The following NLGN1 variants were observed in gnomAD, a reference collection of about 807,000 sequenced individuals.
NLGN1 encodes neuroligin-1.
In NLGN1, 12 loss-of-function variants were observed where a neutral mutation model predicts 65.5. The ratio of observed to expected loss-of-function variants is 0.18; its 90% CI spans 0.12 to 0.30. The LOEUF (loss-of-function observed/expected upper bound fraction) is 0.30. Among genes scored for constraint, NLGN1 ranks in the 10% least tolerant of loss-of-function variants. NLGN1 has a pLI of 1.00. For missense variants in NLGN1, 750 were observed against 1,007.1 expected, an observed-to-expected ratio of 0.74 and a Z score of 3.46; for synonymous variants, 350 against 359.5, an observed-to-expected ratio of 0.97 and a Z score of 0.30.
intron 4 of NLGN1, chr3:173,920,455 G>A (rs965271410): frequency 1.3e-5 from 2 of 152,176 alleles, no homozygotes; most frequent in African/African-American, 4.8e-5. Context: ...CTGGCACAAA[G>A]TTTACTCAAA....
At chr3:174,027,254 T>G (rs1413186002) in intron 4 of NLGN1, among the ~76,000 whole-genome samples, 1 of 152,152 alleles carries the variant, frequency 6.6e-6, no homozygotes, top group African/African-American at 2.4e-5. Context: ...CAAACTGCTC[T>G]CTCCAAAATT....
intron 4 of NLGN1, among the ~76,000 whole-genome samples, chr3:173,829,024 T>A (rs1721936583): frequency 6.6e-6 from 1 of 152,044 alleles, no homozygotes; most frequent in Admixed American, 6.6e-5. Flanking sequence ...GCTTTCTGTA[T>A]TGAGAACAGT....
chr3:173,568,297 T>G (rs537866699), intron 2 of NLGN1, among the ~76,000 whole-genome samples: 3 of 150,172 alleles, frequency 2.0e-5, no homozygotes, highest in Admixed American at 1.3e-4. Context: ...AGGCTGGCAA[T>G]TTCTTGGCTT....
At chr3:173,835,799 A>G (rs1173794575) in intron 4 of NLGN1, among the ~76,000 whole-genome samples, 1 of 152,190 alleles carries the variant, frequency 6.6e-6, no homozygotes, top group African/African-American at 2.4e-5. Flanking sequence ...AGAGGCGAAC[A>G]TCAGTTGAAT....
chr3:174,043,158 T>G (rs887921854), intron 4 of NLGN1, among the ~76,000 whole-genome samples: 3 of 152,150 alleles, frequency 2.0e-5, no homozygotes, highest in Admixed American at 2.0e-4. Context: ...TTCAGTTACC[T>G]CCACCTGATC....
intron 4 of NLGN1, among the ~76,000 whole-genome samples, chr3:173,941,248 G>C (rs1284399275): frequency 1.3e-5 from 2 of 151,854 alleles, no homozygotes; most frequent in Non-Finnish European, 2.9e-5. Context: ...TAAATCTTCT[G>C]CTTGTGCATG....
chr3:173,730,069 A>G (rs1422808004), intron 3 of NLGN1, among the ~76,000 whole-genome samples: 1 of 151,846 alleles, frequency 6.6e-6, no homozygotes, highest in Non-Finnish European at 1.5e-5. Context: ...AGTGCCTACT[A>G]TTGACCAGGT....
At chr3:174,017,890 T>C (rs1002418036) in intron 4 of NLGN1, among the ~76,000 whole-genome samples, 5 of 152,142 alleles carry the variant, frequency 3.3e-5, no homozygotes, top group African/African-American at 1.2e-4. Flanking sequence ...TAACATCTTA[T>C]CAGGAGACAG....
intron 4 of NLGN1, among the ~76,000 whole-genome samples, chr3:173,872,797 G>A (rs1044110886): frequency 2.0e-4 from 31 of 152,110 alleles, no homozygotes; most frequent in African/African-American, 7.0e-4. Context: ...AATCTACTAA[G>A]TATCCATAGT....
At chr3:174,101,992 A>G (rs1224535906) in intron 4 of NLGN1, among the ~76,000 whole-genome samples, 1 of 152,196 alleles carries the variant, frequency 6.6e-6, no homozygotes, top group Non-Finnish European at 1.5e-5. Flanking sequence ...ATGGAGTAGT[A>G]CTTCAGACAG....
At chr3:173,592,642 G>C (rs537230948) in intron 2 of NLGN1, among the ~76,000 whole-genome samples, 7 of 152,052 alleles carry the variant, frequency 4.6e-5, no homozygotes, top group Non-Finnish European at 7.4e-5. Flanking sequence ...AAAATCTGAG[G>C]GTTGTGTTAA....
chr3:173,788,742 G>T (rs1711877943), intron 3 of NLGN1, among the ~76,000 whole-genome samples: 1 of 148,726 alleles, frequency 6.7e-6, no homozygotes, highest in African/African-American at 2.5e-5. Flanking sequence ...GATCACTTGA[G>T]CCCAGGAGTT....
chr3:173,419,756 G>A (rs1344632530), intron 1 of NLGN1, among the ~76,000 whole-genome samples: 1 of 151,964 alleles, frequency 6.6e-6, no homozygotes, highest in Non-Finnish European at 1.5e-5. Flanking sequence ...GGATCAAGAG[G>A]TCAAGAGATC....
At chr3:173,780,853 A>G (rs1422958450) in intron 3 of NLGN1, among the ~76,000 whole-genome samples, 2 of 152,062 alleles carry the variant, frequency 1.3e-5, no homozygotes, top group Non-Finnish European at 1.5e-5. Flanking sequence ...TTGAAAACGT[A>G]AATATTGGCC....
intron 4 of NLGN1, among the ~76,000 whole-genome samples, chr3:173,818,512 C>A (rs1382391931): frequency 6.6e-6 from 1 of 152,002 alleles, no homozygotes; most frequent in Non-Finnish European, 1.5e-5. Flanking sequence ...TGGAAAAATG[C>A]AAAATCCAGA....
intron 4 of NLGN1, among the ~76,000 whole-genome samples, chr3:174,264,741 T>TGGAGGAGGAGGA (rs1395494250): frequency 6.6e-6 from 1 of 152,050 alleles, no homozygotes; most frequent in Non-Finnish European, 1.5e-5. Flanking sequence ...TGCGTTCCTT[T>TGGAGGAGGAGGA]GGAGGAGGAG....
intron 2 of NLGN1, among the ~76,000 whole-genome samples, chr3:173,524,323 C>T (rs1735277172): frequency 6.6e-6 from 1 of 151,940 alleles, no homozygotes. Flanking sequence ...TTTCTTTGTG[C>T]CTGTTGTAAA....
At chr3:173,891,395 T>C (rs998143933) in intron 4 of NLGN1, among the ~76,000 whole-genome samples, 3 of 152,152 alleles carry the variant, frequency 2.0e-5, no homozygotes, top group Non-Finnish European at 4.4e-5. Flanking sequence ...AGTCAGAAAA[T>C]CATTTTAGAT....
At chr3:173,960,431 C>T (rs184042180) in intron 4 of NLGN1, among the ~76,000 whole-genome samples, 10 of 151,988 alleles carry the variant, frequency 6.6e-5, no homozygotes, top group African/African-American at 2.4e-4. Flanking sequence ...TTCTCCTTTG[C>T]TCCAATGTAA....
Sources: gnomAD v4.1 joint callset for allele counts (sites outside exome capture counted in the v4.1 genomes callset) on GRCh38, gnomAD v4.1.1 for gene constraint, MANE v1.5 for transcripts, NCBI Gene and HGNC (gene_info 2026-07-23, HGNC 2026-07-21) for gene names.